ATP8A2: variants seen among roughly 807,000 people sequenced by gnomAD.
ATP8A2 encodes ATPase phospholipid transporting 8A2.
ATP8A2 carries 100 observed loss-of-function variants against 165.6 expected under a neutral mutation model. That is an observed-to-expected ratio of 0.60 (90% confidence interval 0.51 to 0.71). The LOEUF (loss-of-function observed/expected upper bound fraction) is 0.71. Ranked by LOEUF, ATP8A2 falls within the 30% of genes least tolerant of loss-of-function variation. The pLI, the probability that ATP8A2 is intolerant of heterozygous loss-of-function variation, is 0.00. For synonymous variants in ATP8A2, 543 were observed against 548.8 expected, an observed-to-expected ratio of 0.99 and a Z score of 0.15; for missense variants, 1,227 against 1,479.5, an observed-to-expected ratio of 0.83 and a Z score of 2.80.
At chr13:25,764,505 C>T (rs963563981) in intron 25 of ATP8A2, among the ~76,000 whole-genome samples, 19 of 152,184 alleles carry the variant, frequency 1.2e-4, no homozygotes, top group East Asian at 3.8e-4. Context: ...ATTGTCTAGG[C>T]CAGTGCTGGT....
At chr13:25,448,662 T>A (rs930908368) in intron 1 of ATP8A2, among the ~76,000 whole-genome samples, 2 of 152,146 alleles carry the variant, frequency 1.3e-5, no homozygotes, top group African/African-American at 4.8e-5. Flanking sequence ...TTTTATTTAT[T>A]TTTTTGAGAC....
chr13:25,743,215 G>A (rs985363635), intron 25 of ATP8A2, among the ~76,000 whole-genome samples: 1 of 152,004 alleles, frequency 6.6e-6, no homozygotes, highest in African/African-American at 2.4e-5. Flanking sequence ...GAGGTTGTGC[G>A]GTGCTTCTGC....
At chr13:25,532,070 A>G (rs1437269089) in intron 4 of ATP8A2, among the ~76,000 whole-genome samples, 1 of 152,234 alleles carries the variant, frequency 6.6e-6, no homozygotes. Flanking sequence ...ACCAAAATAA[A>G]ATAATTGAAA....
At chr13:25,612,941 G>A (rs149005253) in intron 24 of ATP8A2, among the ~76,000 whole-genome samples, 1 of 152,182 alleles carries the variant, frequency 6.6e-6, no homozygotes, top group Non-Finnish European at 1.5e-5. Flanking sequence ...TTGGTCTGAT[G>A]TAAGAATAGC....
At chr13:25,683,122 C>A (rs1012686997) in intron 24 of ATP8A2, among the ~76,000 whole-genome samples, 13 of 152,118 alleles carry the variant, frequency 8.5e-5, no homozygotes, top group Non-Finnish European at 1.9e-4. Flanking sequence ...AAATGACTTG[C>A]TGATATTACA....
intron 10 of ATP8A2, among the ~76,000 whole-genome samples, chr13:25,546,299 A>G (rs1036082371): frequency 6.6e-6 from 1 of 152,130 alleles, no homozygotes; most frequent in African/African-American, 2.4e-5. Flanking sequence ...TTGCATGTTG[A>G]CTGCTCATGT....
rs780600236 is a variant in ATP8A2 at position 25,769,195 on chromosome 13, A to T, written c.2534A>T (p.Gln845Leu). 1 of 1,613,612 alleles carries T rather than the reference A, an allele frequency of 6.2e-7. No homozygotes were observed. Among genetic ancestry groups the T allele is most frequent in the Non-Finnish European group, 8.5e-7 (1 of 1,179,540 alleles). ...GVGISGNEGM[Q>L]ATNNSDYAIA... ...GGAATCAGTGGGAATGAAGGCATGC[A>T]GGCCACCAACAACTCGGATTACGCC... is the stretch of plus-strand genomic sequence containing the variant. The change falls in exon 26 of 37, where the codon CAG (glutamine) becomes CTG (leucine). Residue 845 changes from glutamine (Q) to leucine (L), a missense_variant. By Grantham distance (113) the Gln-to-Leu change is moderately radical. Transcript: ENST00000381655.
chr13:25,798,518 A>T (rs1950543752), intron 27 of ATP8A2, among the ~76,000 whole-genome samples: 2 of 104,326 alleles, frequency 1.9e-5, no homozygotes, highest in Non-Finnish European at 4.3e-5. Context: ...ATGGCTTTTA[A>T]AAAAAAGTAA....
At chr13:25,498,490 A>G (rs867937092) in intron 2 of ATP8A2, among the ~76,000 whole-genome samples, 35 of 152,322 alleles carry the variant, frequency 2.3e-4, no homozygotes, top group African/African-American at 8.2e-4. Context: ...TCTCTCAGAC[A>G]TGGAGTCTAC....
intron 1 of ATP8A2, among the ~76,000 whole-genome samples, chr13:25,373,992 C>G (rs574134587): frequency 3.0e-4 from 45 of 152,238 alleles, no homozygotes; most frequent in South Asian, 1.2e-3. Context: ...ACAAGGGGCC[C>G]ACCTTTTCAT....
intron 25 of ATP8A2, among the ~76,000 whole-genome samples, chr13:25,765,062 A>G (rs1170882384): frequency 6.6e-6 from 1 of 152,240 alleles, no homozygotes; most frequent in Non-Finnish European, 1.5e-5. Context: ...CTAAAGTGTT[A>G]TATTTGAAAT....
At chr13:25,799,765 C>G (rs960587386) in intron 27 of ATP8A2, among the ~76,000 whole-genome samples, 2 of 152,162 alleles carry the variant, frequency 1.3e-5, no homozygotes, top group African/African-American at 4.8e-5. Flanking sequence ...TTCAAGTGCT[C>G]TTGCTGATGG....
chr13:25,730,837 A>T (rs2043605291), intron 25 of ATP8A2, among the ~76,000 whole-genome samples: 1 of 152,016 alleles, frequency 6.6e-6, no homozygotes, highest in Admixed American at 6.6e-5. Context: ...GCACTTTGGG[A>T]GGCCAAGACA....
At chr13:25,462,628 T>C (rs1322609593) in intron 1 of ATP8A2, among the ~76,000 whole-genome samples, 2 of 152,200 alleles carry the variant, frequency 1.3e-5, no homozygotes, top group Admixed American at 6.5e-5. Context: ...ATTGGTCACA[T>C]GAATTCAACC....
intron 25 of ATP8A2, among the ~76,000 whole-genome samples, chr13:25,723,705 T>C (rs1302487035): frequency 2.5e-4 from 38 of 152,146 alleles, no homozygotes. Context: ...GCCATTGTTC[T>C]GGGCAGCATT....
intron 35 of ATP8A2, among the ~76,000 whole-genome samples, chr13:25,971,008 G>A (rs1223972124): frequency 6.6e-6 from 1 of 152,164 alleles, no homozygotes; most frequent in Non-Finnish European, 1.5e-5. Context: ...TGGGGTGTGT[G>A]TGTGTGTTTC....
At position 25,738,212 on chromosome 13, in the gene ATP8A2, C is replaced by T. The variant is rs375842223; in HGVS notation, c.2385-30834C>T. ...GCTGGGATTTAAACTCCAATGTCCC[C>T]GAGGCTTCTCACAGGTAGAGTAACT... On this transcript the variant is annotated intron_variant, in intron 25 of 36. Coordinates refer to ENST00000381655, the MANE Select transcript of ATP8A2 (RefSeq NM_016529.6). 1.4e-3 allele frequency among the ~76,000 whole-genome samples: 216 copies of T among 152,198 alleles called. 2 individuals carry two copies. In the South Asian group the frequency reaches 0.037, roughly 26 times the overall value.
At chr13:25,757,348 A>G (rs2044284895) in intron 25 of ATP8A2, among the ~76,000 whole-genome samples, 1 of 152,200 alleles carries the variant, frequency 6.6e-6, no homozygotes, top group Admixed American at 6.5e-5. Context: ...CCCAAGACCT[A>G]GCATGCACTT....
chr13:25,677,149 A>G (rs973321564), intron 24 of ATP8A2, among the ~76,000 whole-genome samples: 2 of 152,156 alleles, frequency 1.3e-5, no homozygotes, highest in African/African-American at 4.8e-5. Flanking sequence ...TTAGTCTAGA[A>G]GTCTGCTGCC....
Sources: allele counts gnomAD v4.1 joint callset (sites outside exome capture counted in the v4.1 genomes callset), GRCh38; gene constraint gnomAD v4.1.1; transcripts MANE v1.5; gene names NCBI Gene and HGNC (gene_info 2026-07-23, HGNC 2026-07-21).